SLC24A3: variants seen among roughly 807,000 people sequenced by gnomAD.
SLC24A3 encodes the protein solute carrier family 24 member 3.
A neutral mutation model predicts 75.8 loss-of-function variants in SLC24A3; 28 were observed. The observed-to-expected ratio is 0.37, with a 90% CI of 0.27 to 0.51. SLC24A3 has a LOEUF of 0.51. Among genes scored for constraint, SLC24A3 ranks in the 20% least tolerant of loss-of-function variants. SLC24A3 has a pLI of 0.94. For missense variants in SLC24A3, 663 were observed against 847.8 expected (o/e 0.78, Z 2.71); for synonymous variants, 372 against 334.1 (o/e 1.11, Z -1.24).
chr20:19,355,766 C>T (rs1382308014), intron 2 of SLC24A3, among the ~76,000 whole-genome samples: 1 of 152,152 alleles, frequency 6.6e-6, no homozygotes, highest in African/African-American at 2.4e-5. Flanking sequence ...CCTAATAACT[C>T]CTGTCAGTTT....
chr20:19,325,806 A>ATATATATAT (rs1984843160), intron 2 of SLC24A3, among the ~76,000 whole-genome samples: 1 of 96,218 alleles, frequency 1.0e-5, no homozygotes, highest in African/African-American at 5.1e-5. Context: ...AGAGAGAGAG[A>ATATATATAT]GAGAGAGAGA....
At chr20:19,706,531 G>A (rs984556370) in intron 15 of SLC24A3, among the ~76,000 whole-genome samples, 1 of 152,092 alleles carries the variant, frequency 6.6e-6, no homozygotes, top group Non-Finnish European at 1.5e-5. Flanking sequence ...AGAGCTTGTA[G>A]AATACCAAGA....
chr20:19,518,292 A>T (rs1286179377), intron 3 of SLC24A3, among the ~76,000 whole-genome samples: 2 of 152,234 alleles, frequency 1.3e-5, no homozygotes, highest in Non-Finnish European at 2.9e-5. Context: ...CCTGCAGAGT[A>T]GTGCTGGGCT....
intron 15 of SLC24A3, among the ~76,000 whole-genome samples, chr20:19,699,863 C>T (rs2032851514): frequency 2.0e-5 from 3 of 152,196 alleles, no homozygotes. Context: ...CACATTCCTG[C>T]TGCATGAACA....
chr20:19,465,519 C>G (rs1032752991), intron 2 of SLC24A3, among the ~76,000 whole-genome samples: 1 of 151,874 alleles, frequency 6.6e-6, no homozygotes. Flanking sequence ...AAGATGCTTC[C>G]TGCAAAAACC....
rs996463209 is a variant in SLC24A3 at position 19,667,013 on chromosome 20, T to C, written c.713+1124T>C. Among the ~76,000 whole-genome samples, 7 of 152,282 alleles carry C rather than the reference T, an allele frequency of 4.6e-5. No homozygotes were observed. In the East Asian group the frequency reaches 1.2e-3, roughly 25 times the overall value. ...AATAGGCGTAGGTAGAAAATCTCCC[T>C]GGTATTATTGAAAGCTGTGAATGAG... On this transcript the variant is annotated intron_variant, in intron 8 of 16. Transcript: ENST00000328041.
At chr20:19,679,360 A>G (rs1024239746) in intron 9 of SLC24A3, among the ~76,000 whole-genome samples, 30 of 152,380 alleles carry the variant, frequency 2.0e-4, no homozygotes, top group Admixed American at 6.5e-4. Flanking sequence ...AAAACCAGTC[A>G]GGCGTGGCGG....
At chr20:19,369,301 G>A (rs866961997) in intron 2 of SLC24A3, among the ~76,000 whole-genome samples, 5 of 152,168 alleles carry the variant, frequency 3.3e-5, no homozygotes, top group South Asian at 2.1e-4. Context: ...AAAATGCAGA[G>A]CCTGACTATA....
At chr20:19,712,672 C>T (rs1168344622) in intron 15 of SLC24A3, among the ~76,000 whole-genome samples, 1 of 152,144 alleles carries the variant, frequency 6.6e-6, no homozygotes, top group Non-Finnish European at 1.5e-5. Context: ...AGGAGGAGCC[C>T]TACAGGCCTC....
chr20:19,379,937 C>T (rs1463227107), intron 2 of SLC24A3, among the ~76,000 whole-genome samples: 1 of 152,210 alleles, frequency 6.6e-6, no homozygotes, highest in African/African-American at 2.4e-5. Context: ...TCTATGCATT[C>T]ATTCATTTAG....
chr20:19,245,917 A>AT (rs1217512329), intron 1 of SLC24A3, among the ~76,000 whole-genome samples: 3 of 152,158 alleles, frequency 2.0e-5, no homozygotes, highest in Non-Finnish European at 2.9e-5. Flanking sequence ...TTTTAATACA[A>AT]TTTTTTGGTA....
chr20:19,580,228 A>G (rs1461322068), intron 4 of SLC24A3, among the ~76,000 whole-genome samples, 154 bp downstream of exon 4: 1 of 152,126 alleles, frequency 6.6e-6, no homozygotes, highest in Non-Finnish European at 1.5e-5. Context: ...AGCAATGGGC[A>G]ATATTAGCAC....
intron 2 of SLC24A3, among the ~76,000 whole-genome samples, chr20:19,282,954 T>C (rs1983704087): frequency 6.6e-6 from 1 of 152,040 alleles, no homozygotes; most frequent in African/African-American, 2.4e-5. Context: ...AAAGAAAATG[T>C]CTAGGTAGAT....
At chr20:19,339,275 T>G (rs1049404557) in intron 2 of SLC24A3, among the ~76,000 whole-genome samples, 1 of 152,170 alleles carries the variant, frequency 6.6e-6, no homozygotes, top group Admixed American at 6.5e-5. Flanking sequence ...AGGGCAGTTA[T>G]TTTTTAGGTA....
intron 3 of SLC24A3, among the ~76,000 whole-genome samples, chr20:19,539,740 A>T (rs2030463377): frequency 6.6e-6 from 1 of 152,188 alleles, no homozygotes; most frequent in Admixed American, 6.5e-5. Context: ...GACCTTCAGA[A>T]ATGAAGACCC....
intron 7 of SLC24A3, among the ~76,000 whole-genome samples, chr20:19,656,755 G>T (rs1164222138): frequency 6.6e-6 from 1 of 152,200 alleles, no homozygotes. Flanking sequence ...TGGATCTCCT[G>T]GGAGCACAGA....
At chr20:19,669,515 GA>G (rs944917880) in intron 8 of SLC24A3, among the ~76,000 whole-genome samples, 23 of 150,192 alleles carry the variant, frequency 1.5e-4, no homozygotes, top group Middle Eastern at 3.4e-3. Context: ...AAAAAAAAAA[GA>G]AAAAAAAGTG....
At chr20:19,399,988 T>C (rs1275183880) in intron 2 of SLC24A3, among the ~76,000 whole-genome samples, 1 of 152,246 alleles carries the variant, frequency 6.6e-6, no homozygotes, top group Non-Finnish European at 1.5e-5. Context: ...GGTTTTCACT[T>C]AGAGATGCTC....
intron 1 of SLC24A3, among the ~76,000 whole-genome samples, chr20:19,251,791 C>T (rs1982662306): frequency 6.6e-6 from 1 of 152,130 alleles, no homozygotes; most frequent in Non-Finnish European, 1.5e-5. Flanking sequence ...GAGACTCCAG[C>T]CCTGGAGTTG....
Sources: gnomAD v4.1 joint callset for allele counts (sites outside exome capture counted in the v4.1 genomes callset) on GRCh38, gnomAD v4.1.1 for gene constraint, MANE v1.5 for transcripts, NCBI Gene and HGNC (gene_info 2026-07-23, HGNC 2026-07-21) for gene names.